Variants in ZNF560 observed in about 807,000 individuals in gnomAD.
ZNF560 encodes zinc finger protein 560.
Under a neutral mutation model 81.8 loss-of-function variants are expected in ZNF560, and 54 were observed. The observed-to-expected ratio is 0.66, with a 90% CI of 0.53 to 0.83. The LOEUF (loss-of-function observed/expected upper bound fraction) is 0.83. Among genes scored for constraint, ZNF560 ranks in the 40% least tolerant of loss-of-function variants. The pLI, the probability that ZNF560 is intolerant of heterozygous loss-of-function variation, is 0.00. For missense variants in ZNF560, 940 were observed against 932.4 expected, an observed-to-expected ratio of 1.01 and a Z score of -0.11; for synonymous variants, 321 against 317.9, an observed-to-expected ratio of 1.01 and a Z score of -0.10.
Position 9,470,340 on chromosome 19 carries a change from A to G in ZNF560, c.448+52T>C, listed in dbSNP as rs957587913. 2.6e-6 allele frequency: 4 copies of G among 1,559,864 alleles called. No homozygotes were observed. The East Asian group carries it at 6.7e-5, about 26-fold the overall frequency. ...ACTAATCCTAGAATACAGTAAGTAC[A>G]TAATTTGTATCTTGTTCCAGAATAG... On this transcript the variant is annotated intron_variant, in intron 7 of 9. Coordinates refer to ENST00000301480, the MANE Select transcript of ZNF560 (RefSeq NM_152476.3).
chr19:9,480,319 T>C (rs143398132), intron 2 of ZNF560, among the ~76,000 whole-genome samples: 4 of 151,766 alleles, frequency 2.6e-5, no homozygotes, highest in East Asian at 1.9e-4. Flanking sequence ...TGTAAGAAAA[T>C]AGAAATCAAC....
chr19:9,493,395 C>T (rs1599681878), intron 2 of ZNF560, among the ~76,000 whole-genome samples: 1 of 152,230 alleles, frequency 6.6e-6, no homozygotes, highest in African/African-American at 2.4e-5. Context: ...GACGGAATCT[C>T]ACTCTGTTGC....
chr19:9,481,896 C>T (rs2073295258), intron 2 of ZNF560, among the ~76,000 whole-genome samples: 1 of 152,190 alleles, frequency 6.6e-6, no homozygotes, highest in African/African-American at 2.4e-5. Context: ...ACTAGAAATA[C>T]CATTTGGCCC....
chr19:9,473,197 G>A lies in ZNF560; in HGVS notation c.220C>T (p.Gln74Ter), dbSNP rs780113302. The change falls in exon 5 of 10, where the codon CAG becomes TAG. Residue 74 changes from glutamine (Q) to a stop codon, truncating the protein, a stop_gained. Transcript: ENST00000301480. LOFTEE classifies it high-confidence loss of function. ...TACTCACCTTGGAGAACTCCTTGCT[G>A]CAAGGTTCTCAACTCTTCTTCTTCC... ...WLEEEELRTL[Q>*]QGVLQDWAIK... is the part of the protein sequence containing the mutation. The A allele has an allele frequency of 6.2e-7, 1 of 1,613,852 alleles. No individual in the cohort carries two copies. The highest frequency in any genetic ancestry group is 1.1e-5 in the South Asian group (1 of 91,074).
Position 9,466,974 on chromosome 19 carries a change from C to T in ZNF560, c.1973G>A (p.Cys658Tyr). ...RTHTGYKPYKCNACEKAYSRS... is the reference protein window; with the variant it reads ...RTHTGYKPYKYNACEKAYSRS... ...ACTGTAAGCTTTTTCACATGCATTA[C>T]ATTTATAGGGTTTATATCCAGTGTG... is the stretch of plus-strand genomic sequence containing the variant. The change falls in exon 10 of 10, where the codon TGT (cysteine) becomes TAT (tyrosine). Residue 658 changes from cysteine to tyrosine, a missense_variant. Cys to Tyr is a radical substitution (Grantham distance 194). Coordinates refer to ENST00000301480, the MANE Select transcript of ZNF560 (RefSeq NM_152476.3). The T allele has an allele frequency of 1.2e-6, 2 of 1,614,064 alleles. No individual in the cohort carries two copies. Among genetic ancestry groups the T allele is most frequent in the South Asian group, 1.1e-5 (1 of 91,078 alleles).
Position 9,474,288 on chromosome 19 carries a change from G to A in ZNF560, c.68C>T (p.Thr23Ile), listed in dbSNP as rs2073166397. 1 of 1,614,052 alleles carries A rather than the reference G, an allele frequency of 6.2e-7. No homozygotes were observed. The highest frequency in any genetic ancestry group is 8.5e-7 in the Non-Finnish European group (1 of 1,179,970). ...GTCCAGTAAAATCCACTCCTCCTGG[G>A]TGAAGTCCACAGCTGTATCCTCAAA... ...VTFEDTAVDF[T>I]QEEWILLDPV... Residue 23 changes from threonine to isoleucine, a missense_variant, in exon 4 of 10, where the codon ACC (threonine) becomes ATC (isoleucine). Physicochemically the swap from Thr to Ile is moderately conservative, Grantham distance 89. Transcript: ENST00000301480.
At chr19:9,479,493 A>G (rs1340124261) in intron 2 of ZNF560, among the ~76,000 whole-genome samples, 2 of 152,228 alleles carry the variant, frequency 1.3e-5, no homozygotes, top group African/African-American at 4.8e-5. Flanking sequence ...AAACCGTAAC[A>G]GGACACAAAG....
At chr19:9,480,613 T>G (rs1216245928) in intron 2 of ZNF560, among the ~76,000 whole-genome samples, 1 of 148,904 alleles carries the variant, frequency 6.7e-6, no homozygotes, top group Admixed American at 6.7e-5. Context: ...TCTGAAAAGA[T>G]GAACAAACCT....
At chr19:9,453,696 A>T in the ZNF560 span, among the ~76,000 whole-genome samples, 2 of 152,242 alleles carry the variant, frequency 1.3e-5, no homozygotes, top group African/African-American at 2.4e-5. Context: ...ATATAAAAAT[A>T]ATTGAGTCCA....
At chr19:9,461,518 C>T (rs997852633), downstream of ZNF560, among the ~76,000 whole-genome samples, 3 of 152,158 alleles carry the variant, frequency 2.0e-5, no homozygotes, top group Non-Finnish European at 4.4e-5. Context: ...GCTACTGCTG[C>T]AGTAGCTGGA....
chr19:9,489,546 T>TA (rs1211414706), intron 2 of ZNF560, among the ~76,000 whole-genome samples: 3 of 151,352 alleles, frequency 2.0e-5, no homozygotes, highest in Non-Finnish European at 4.4e-5. Context: ...AGAGGTGCTC[T>TA]TCACTTCCCA....
chr19:9,455,709 A>G, the ZNF560 span, among the ~76,000 whole-genome samples: 1 of 152,170 alleles, frequency 6.6e-6, no homozygotes, highest in Non-Finnish European at 1.5e-5. Context: ...AGCTTTTGAC[A>G]ATGCTAATCC....
At chr19:9,500,817 C>CCTG (rs2073627106), upstream of ZNF560, among the ~76,000 whole-genome samples, 1 of 152,038 alleles carries the variant, frequency 6.6e-6, no homozygotes, top group Non-Finnish European at 1.5e-5. Context: ...CCTCATGATC[C>CCTG]ACCTGCCTTG....
rs908903278 is a variant in ZNF560 at position 9,470,426 on chromosome 19, C to T, written c.414G>A (p.Val138=). The T allele has an allele frequency of 2.5e-6, 4 of 1,613,758 alleles. No individual in the cohort carries two copies. The highest frequency in any genetic ancestry group is 1.7e-4 in the Middle Eastern group (1 of 6,058). The change falls in exon 7 of 10, where the codon GTG becomes GTA. Residue 138 remains valine (V), a synonymous_variant. Coordinates refer to ENST00000301480, the MANE Select transcript of ZNF560 (RefSeq NM_152476.3). ...DPAQRNLYSD[V]MLENYKNLSS... ...ACAGGTTCTTGTAGTTCTCCAGCAT[C>T]ACATCACTGTACAGGTTTCTCTGAG...
At chr19:9,483,031 C>T (rs368722989) in intron 2 of ZNF560, among the ~76,000 whole-genome samples, 10 of 152,214 alleles carry the variant, frequency 6.6e-5, no homozygotes, top group South Asian at 4.2e-4. Flanking sequence ...ACCTCCCAGC[C>T]GCCTGCCTTG....
chr19:9,473,330 C>T (rs749467359), intron 4 of ZNF560, 71 bp from the exon 5 acceptor site: 1 of 1,221,382 alleles, frequency 8.2e-7, no homozygotes, highest in African/African-American at 1.5e-5. Flanking sequence ...CCTGTAATCC[C>T]AGCACTTTGG....
the ZNF560 span, among the ~76,000 whole-genome samples, chr19:9,457,387 G>T: frequency 2.0e-5 from 3 of 152,304 alleles, no homozygotes; most frequent in African/African-American, 7.2e-5. Flanking sequence ...TACGATTCCT[G>T]TGGTAAACAA....
rs768466093 is a variant in ZNF560 at position 9,466,680 on chromosome 19, A to C, written c.2267T>G (p.Ile756Ser). The C allele has an allele frequency of 6.2e-7, 1 of 1,614,028 alleles. No homozygotes were observed. The highest frequency in any genetic ancestry group is 2.2e-5 in the East Asian group (1 of 44,838). ...TCCCATATGAGTTCTTAAATGTTGA[A>C]TACGTCCTGAGGATGTACGGAAGGC... ...GKAFRTSSGR[I>S]QHLRTHMGEK... The change falls in exon 10 of 10, where the codon ATT (isoleucine) becomes AGT (serine). Residue 756 changes from isoleucine (I) to serine (S), a missense_variant. Physicochemically the swap from Ile to Ser is moderately radical, Grantham distance 142 (BLOSUM62 -2). Transcript: ENST00000301480.
downstream of ZNF560, among the ~76,000 whole-genome samples, chr19:9,465,925 C>T (rs762484691): frequency 6.6e-6 from 1 of 151,966 alleles, no homozygotes; most frequent in African/African-American, 2.4e-5. Flanking sequence ...ACCCAGGAGG[C>T]GGAGGTTGCA....
Sources: gnomAD v4.1 joint callset for allele counts (sites outside exome capture counted in the v4.1 genomes callset) on GRCh38, gnomAD v4.1.1 for gene constraint, MANE v1.5 for transcripts, NCBI Gene and HGNC (gene_info 2026-07-23, HGNC 2026-07-21) for gene names.